The following ZNF385D variants were observed in gnomAD, a reference collection of about 807,000 sequenced individuals.
The protein encoded by ZNF385D is zinc finger protein 385D, also known as zinc finger protein 659.
A neutral mutation model predicts 35.8 loss-of-function variants in ZNF385D; 15 were observed. The observed-to-expected ratio is 0.42, with a 90% CI of 0.28 to 0.64. ZNF385D has a LOEUF of 0.64. ZNF385D is among the 30% of genes least tolerant of loss of function. The pLI is 0.23. For missense variants in ZNF385D, 474 were observed against 494.6 expected (o/e 0.96, Z 0.39); for synonymous variants, 212 against 186.8 (o/e 1.13, Z -1.10).
At chr3:21,941,051 A>G (rs914618827) in intron 3 of ZNF385D, among the ~76,000 whole-genome samples, 7 of 152,194 alleles carry the variant, frequency 4.6e-5, no homozygotes, top group African/African-American at 1.7e-4. Context: ...TATCTTGGAA[A>G]GTGTGATTCC....
At chr3:22,000,443 G>C (rs890269190) in intron 3 of ZNF385D, among the ~76,000 whole-genome samples, 33 of 152,110 alleles carry the variant, frequency 2.2e-4, no homozygotes, top group Admixed American at 4.6e-4. Context: ...ACCCTATATG[G>C]TCTAAAAAGG....
intron 3 of ZNF385D, among the ~76,000 whole-genome samples, chr3:21,980,854 A>G (rs1230461819): frequency 1.3e-5 from 2 of 152,190 alleles, no homozygotes; most frequent in Non-Finnish European, 2.9e-5. Context: ...GCTAAGGATA[A>G]TAGCCTCCAG....
chr3:21,545,024 T>C (rs1230781911), intron 3 of ZNF385D, among the ~76,000 whole-genome samples: 1 of 152,236 alleles, frequency 6.6e-6, no homozygotes, highest in Non-Finnish European at 1.5e-5. Context: ...TGCTAACATA[T>C]GTTCGAAAAT....
chr3:22,306,733 T>G (rs1703244683), intron 2 of ZNF385D, among the ~76,000 whole-genome samples: 1 of 152,160 alleles, frequency 6.6e-6, no homozygotes, highest in Non-Finnish European at 1.5e-5. Context: ...AGATAAGATT[T>G]GCTAATTAGC....
intron 1 of ZNF385D, among the ~76,000 whole-genome samples, chr3:21,684,373 T>C (rs1286451619): frequency 2.2e-4 from 12 of 55,100 alleles, no homozygotes; most frequent in Non-Finnish European, 3.7e-4. Flanking sequence ...CTCCTCTCTC[T>C]CTCTCTCTCT....
intron 3 of ZNF385D, among the ~76,000 whole-genome samples, chr3:21,969,875 G>A (rs1703139034): frequency 6.6e-6 from 1 of 152,152 alleles, no homozygotes; most frequent in Admixed American, 6.5e-5. Flanking sequence ...AACTCCATTT[G>A]TTTGGGTGAT....
intron 3 of ZNF385D, among the ~76,000 whole-genome samples, chr3:21,999,581 T>C (rs566251724): frequency 5.9e-5 from 9 of 152,278 alleles, no homozygotes; most frequent in East Asian, 1.9e-4. Flanking sequence ...TTTTCAAATA[T>C]GGTTCTACTT....
intron 3 of ZNF385D, among the ~76,000 whole-genome samples, chr3:21,920,604 T>C (rs1328335180): frequency 7.4e-6 from 1 of 135,838 alleles, no homozygotes. Context: ...AAGAAGAGGG[T>C]TGATGATGAT....
At chr3:21,699,738 G>A (rs896812551) in intron 1 of ZNF385D, among the ~76,000 whole-genome samples, 14 of 141,740 alleles carry the variant, frequency 9.9e-5, no homozygotes, top group South Asian at 4.5e-4. Context: ...AATTTTCCTT[G>A]TTTTGCTTAT....
intron 3 of ZNF385D, among the ~76,000 whole-genome samples, chr3:22,060,966 GAC>G (rs1235429796): frequency 6.6e-6 from 1 of 151,864 alleles, no homozygotes; most frequent in African/African-American, 2.4e-5. Context: ...ATTAAGTAAT[GAC>G]ATTTTTACTA....
At chr3:21,868,517 C>T (rs938283039) in intron 3 of ZNF385D, among the ~76,000 whole-genome samples, 3 of 152,082 alleles carry the variant, frequency 2.0e-5, no homozygotes, top group Non-Finnish European at 2.9e-5. Context: ...ATGAATCATC[C>T]TTAATAAGAA....
chr3:21,952,311 C>G (rs1212178894), intron 3 of ZNF385D, among the ~76,000 whole-genome samples: 1 of 151,900 alleles, frequency 6.6e-6, no homozygotes, highest in Non-Finnish European at 1.5e-5. Context: ...GTTTTACTCT[C>G]TAACGTGACA....
chr3:22,045,589 G>C (rs57564553), intron 3 of ZNF385D, among the ~76,000 whole-genome samples: 30,308 of 151,908 alleles, frequency 0.2, 3,185 homozygotes, highest in South Asian at 0.35. Context: ...ACCCTTAACA[G>C]CACCCGCATA....
intron 2 of ZNF385D, chr3:22,372,390 CCGG>C (rs1696952489): frequency 2.1e-6 from 2 of 961,474 alleles, no homozygotes; most frequent in Admixed American, 1.2e-4. Flanking sequence ...AGCTCCTTGC[CCGG>C]CGCCCCAACG....
intron 2 of ZNF385D, among the ~76,000 whole-genome samples, chr3:22,229,380 G>A (rs944042317): frequency 4.6e-5 from 7 of 152,152 alleles, no homozygotes; most frequent in South Asian, 2.1e-4. Context: ...ACTGTTGGCC[G>A]CCTCCCAGGT....
At chr3:22,272,858 G>A (rs1266347816) in intron 2 of ZNF385D, among the ~76,000 whole-genome samples, 1 of 151,894 alleles carries the variant, frequency 6.6e-6, no homozygotes, top group Non-Finnish European at 1.5e-5. Context: ...TGTAGTCTAA[G>A]TGCTCATATA....
At chr3:22,236,892 CT>C (rs1241289649) in intron 2 of ZNF385D, among the ~76,000 whole-genome samples, 3 of 152,102 alleles carry the variant, frequency 2.0e-5, no homozygotes, top group Non-Finnish European at 4.4e-5. Flanking sequence ...GAATAATATT[CT>C]ATTGCATGAA....
At chr3:22,234,762 C>T (rs2638124) in intron 2 of ZNF385D, among the ~76,000 whole-genome samples, 129,195 of 151,946 alleles carry the variant, frequency 0.85, 55,048 homozygotes, top group East Asian at 0.97. Context: ...TTATTCTCTG[C>T]GAATGGAAAT....
At position 22,104,243 on chromosome 3, in the gene ZNF385D, G is replaced by A. The variant is rs370888570; in HGVS notation, c.325+64574C>T. On this transcript the variant is annotated intron_variant, in intron 3 of 5. Transcript: ENST00000494108. ...AAAACCTTCTCTCCTCCTACATATG[G>A]CATCCTCTGTAGAGTGCCATCACTC... 3.9e-5 allele frequency among the ~76,000 whole-genome samples: 6 copies of A among 151,940 alleles called. 1 individual carries two copies. Among genetic ancestry groups the A allele is most frequent in the African/African-American group, 1.4e-4 (6 of 41,444 alleles).
Sources: gnomAD v4.1 joint callset for allele counts (sites outside exome capture counted in the v4.1 genomes callset) on GRCh38, gnomAD v4.1.1 for gene constraint, MANE v1.5 for transcripts, NCBI Gene and HGNC (gene_info 2026-07-23, HGNC 2026-07-21) for gene names.